RAB3C: variants seen among roughly 807,000 people sequenced by gnomAD.
The protein encoded by RAB3C is ras-related protein Rab-3C.
Under a neutral mutation model 26.4 loss-of-function variants are expected in RAB3C, and 17 were observed. The observed-to-expected ratio is 0.64, with a 90% CI of 0.44 to 0.97. The LOEUF (loss-of-function observed/expected upper bound fraction) is 0.97. RAB3C is among the 50% of genes least tolerant of loss of function. The pLI, the probability that RAB3C is intolerant of heterozygous loss-of-function variation, is 0.00. For synonymous variants in RAB3C, 91 were observed against 95.9 expected (o/e 0.95, Z 0.30); for missense variants, 242 against 281.9 (o/e 0.86, Z 1.01).
intron 2 of RAB3C, among the ~76,000 whole-genome samples, chr5:58,667,336 A>G (rs952851993): frequency 3.9e-5 from 6 of 152,184 alleles, no homozygotes; most frequent in Non-Finnish European, 5.9e-5. Flanking sequence ...TCCTGACTTA[A>G]GGAAATGAAA....
At chr5:58,690,605 C>CTCTGTA (rs1748551400) in intron 2 of RAB3C, among the ~76,000 whole-genome samples, 1 of 152,156 alleles carries the variant, frequency 6.6e-6, no homozygotes. Context: ...CTTTCTGTCT[C>CTCTGTA]TCTGTATCTT....
At chr5:58,785,648 A>C (rs898662388) in intron 3 of RAB3C, among the ~76,000 whole-genome samples, 3 of 152,206 alleles carry the variant, frequency 2.0e-5, no homozygotes, top group Non-Finnish European at 4.4e-5. Context: ...TGTGGTAGGC[A>C]AAATAATGCC....
In RAB3C at chr5:58,851,357, C is replaced by G; in HGVS notation, c.*6C>G. Reference sequence around the variant, plus strand: ...AGCCCAACTGTGCCTGCTAGTGTCCCCGTGCACACAGGCAGCTCCAGGGGG... The same window carrying G: ...AGCCCAACTGTGCCTGCTAGTGTCCGCGTGCACACAGGCAGCTCCAGGGGG... On this transcript the variant is annotated 3_prime_UTR_variant, in exon 5 of 5. Transcript: ENST00000282878. 1.3e-6 allele frequency: 2 copies of G among 1,583,058 alleles called. No homozygotes were observed. Among genetic ancestry groups the G allele is most frequent in the South Asian group, 2.3e-5 (2 of 85,218 alleles).
At chr5:58,638,939 A>G (rs1389574639) in intron 2 of RAB3C, among the ~76,000 whole-genome samples, 1 of 152,162 alleles carries the variant, frequency 6.6e-6, no homozygotes, top group Non-Finnish European at 1.5e-5. Context: ...TCCCACCTCA[A>G]GCACACCATG....
chr5:58,840,998 C>T (rs1743863717), intron 4 of RAB3C, among the ~76,000 whole-genome samples: 1 of 152,204 alleles, frequency 6.6e-6, no homozygotes, highest in Non-Finnish European at 1.5e-5. Context: ...AGGTGCAAGG[C>T]TCTTCAGTTG....
chr5:58,607,123 C>T (rs556272552), intron 1 of RAB3C, among the ~76,000 whole-genome samples: 65 of 152,164 alleles, frequency 4.3e-4, no homozygotes, highest in Non-Finnish European at 7.2e-4. Flanking sequence ...CTGAGCTAAA[C>T]GAGCATGTTC....
At chr5:58,801,970 C>G (rs1226497407) in intron 3 of RAB3C, among the ~76,000 whole-genome samples, 1 of 152,196 alleles carries the variant, frequency 6.6e-6, no homozygotes, top group Non-Finnish European at 1.5e-5. Flanking sequence ...ATAAAACCAG[C>G]ATCCAAACTG....
intron 2 of RAB3C, among the ~76,000 whole-genome samples, chr5:58,692,944 C>T (rs1748600482): frequency 6.6e-6 from 1 of 151,634 alleles, no homozygotes; most frequent in South Asian, 2.1e-4. Flanking sequence ...CCCTTCTCTA[C>T]TAAAAATACA....
chr5:58,640,253 A>G (rs961179391), intron 2 of RAB3C, among the ~76,000 whole-genome samples: 1 of 152,180 alleles, frequency 6.6e-6, no homozygotes, highest in Non-Finnish European at 1.5e-5. Context: ...CTGGCAGCCA[A>G]TATGTCTGCC....
chr5:58,827,046 C>T (rs1394996459), intron 4 of RAB3C, among the ~76,000 whole-genome samples: 4 of 152,226 alleles, frequency 2.6e-5, no homozygotes, highest in African/African-American at 7.2e-5. Context: ...GGCTGGTGTA[C>T]GGTCTCCTGT....
At chr5:58,790,682 A>T (rs567917273) in intron 3 of RAB3C, among the ~76,000 whole-genome samples, 1 of 152,344 alleles carries the variant, frequency 6.6e-6, no homozygotes, top group South Asian at 2.1e-4. Context: ...GCACTTTTTC[A>T]GAGGTTCACA....
intron 3 of RAB3C, among the ~76,000 whole-genome samples, chr5:58,796,119 A>C (rs548209596): frequency 2.6e-5 from 4 of 152,300 alleles, no homozygotes; most frequent in African/African-American, 9.6e-5. Context: ...GGAAGGTGGG[A>C]AATAAAAATC....
At chr5:58,816,655 T>C (rs542799443) in intron 3 of RAB3C, among the ~76,000 whole-genome samples, 1 of 152,268 alleles carries the variant, frequency 6.6e-6, no homozygotes, top group South Asian at 2.1e-4. Flanking sequence ...AATTGGGCCC[T>C]CAAATTTTTA....
intron 3 of RAB3C, among the ~76,000 whole-genome samples, chr5:58,765,202 T>C (rs1037260322): frequency 3.3e-5 from 5 of 152,170 alleles, no homozygotes; most frequent in Middle Eastern, 3.2e-3. Context: ...CAGCACCTCC[T>C]GCTCCCAAGG....
chr5:58,589,006 G>A (rs60630307), intron 1 of RAB3C, among the ~76,000 whole-genome samples: 75,063 of 151,812 alleles, frequency 0.49, 18,923 homozygotes, highest in Non-Finnish European at 0.53. Context: ...AAGACCTTCC[G>A]TTTTTTATCA....
chr5:58,602,431 A>G (rs1038294322), intron 1 of RAB3C, among the ~76,000 whole-genome samples: 57 of 152,252 alleles, frequency 3.7e-4, no homozygotes, highest in African/African-American at 1.4e-3. Context: ...TGACCTGTCT[A>G]GTGCTGTCAG....
intron 2 of RAB3C, among the ~76,000 whole-genome samples, chr5:58,647,257 A>G (rs1747539765): frequency 6.6e-6 from 1 of 152,188 alleles, no homozygotes; most frequent in Admixed American, 6.5e-5. Flanking sequence ...AAAAGGTTTA[A>G]TTGTCTCACA....
intron 2 of RAB3C, among the ~76,000 whole-genome samples, chr5:58,710,094 C>A (rs1341069899): frequency 6.6e-6 from 1 of 152,116 alleles, no homozygotes; most frequent in Non-Finnish European, 1.5e-5. Context: ...ATATTTTTTA[C>A]CAAGTTAACC....
At chr5:58,773,577 T>C (rs1337779541) in intron 3 of RAB3C, among the ~76,000 whole-genome samples, 3 of 152,086 alleles carry the variant, frequency 2.0e-5, no homozygotes, top group Non-Finnish European at 4.4e-5. Context: ...AATGAGTAAA[T>C]ACCAACATTT....
Sources: allele counts gnomAD v4.1 joint callset (sites outside exome capture counted in the v4.1 genomes callset), GRCh38; gene constraint gnomAD v4.1.1; transcripts MANE v1.5; gene names NCBI Gene and HGNC (gene_info 2026-07-23, HGNC 2026-07-21).